Variants in TSHZ2 observed in about 807,000 individuals in gnomAD.
The protein encoded by TSHZ2 is teashirt homolog 2.
Under a neutral mutation model 74.4 loss-of-function variants are expected in TSHZ2, and 21 were observed. The ratio of observed to expected loss-of-function variants is 0.28; its 90% CI spans 0.20 to 0.41. The LOEUF (loss-of-function observed/expected upper bound fraction) is 0.41. TSHZ2 is among the 10% of genes least tolerant of loss of function. TSHZ2 has a pLI of 1.00. For synonymous variants in TSHZ2, 540 were observed against 515.3 expected (o/e 1.05, Z -0.65); for missense variants, 1,244 against 1,293.5 (o/e 0.96, Z 0.59).
intron 1 of TSHZ2, among the ~76,000 whole-genome samples, chr20:52,977,973 C>A (rs938965819): frequency 2.6e-5 from 4 of 152,134 alleles, no homozygotes; most frequent in Non-Finnish European, 4.4e-5. Context: ...CTTTATCTCC[C>A]AGTTGCCCAT....
chr20:53,058,902 G>A lies in TSHZ2; in HGVS notation c.40+85569G>A, dbSNP rs151038273. 4.5e-4 allele frequency among the ~76,000 whole-genome samples: 68 copies of A among 152,292 alleles called. 1 individual carries two copies. The highest frequency in any genetic ancestry group is 1.5e-3 in the African/African-American group (64 of 41,548). On this transcript the variant is annotated intron_variant, in intron 1 of 2. Coordinates refer to ENST00000371497, the MANE Select transcript of TSHZ2 (RefSeq NM_173485.6). ...ATTAATACATATATTTCGTTTGTTTGAAATATATACATGCATTTAAATCTG... is the reference window on the plus strand; with the variant it reads ...ATTAATACATATATTTCGTTTGTTTAAAATATATACATGCATTTAAATCTG...
intron 1 of TSHZ2, among the ~76,000 whole-genome samples, chr20:53,197,624 T>C (rs1600735982): frequency 6.6e-6 from 1 of 152,318 alleles, no homozygotes; most frequent in African/African-American, 2.4e-5. Flanking sequence ...CTTCGATACA[T>C]TCCCCATTAG....
chr20:53,050,131 ATATATATGTG>A (rs1247664557), intron 1 of TSHZ2, among the ~76,000 whole-genome samples: 2 of 73,016 alleles, frequency 2.7e-5, no homozygotes, highest in African/African-American at 2.5e-4. Flanking sequence ...ATATACACAT[ATATATATGTG>A]TATATATATA....
In TSHZ2 at chr20:53,156,318, C is replaced by T. The variant is rs544539412; in HGVS notation, c.41-97181C>T. ...AAAAGAATCTTCCTACACTTATATA[C>T]ACAAAATGATGGTGTCTGCCTGGAA... On this transcript the variant is annotated intron_variant, in intron 1 of 2. Coordinates refer to ENST00000371497, the MANE Select transcript of TSHZ2 (RefSeq NM_173485.6). 2.6e-5 allele frequency among the ~76,000 whole-genome samples: 4 copies of T among 152,240 alleles called. No individual in the cohort carries two copies. The East Asian group carries it at 7.7e-4, about 29-fold the overall frequency.
At chr20:53,225,828 T>TC (rs962930784) in intron 1 of TSHZ2, among the ~76,000 whole-genome samples, 4 of 152,126 alleles carry the variant, frequency 2.6e-5, no homozygotes, top group African/African-American at 9.7e-5. Context: ...GCCTGGTTGC[T>TC]CCTCCAATAT....
chr20:53,482,747 T>C (rs1182973709), intron 2 of TSHZ2, among the ~76,000 whole-genome samples: 2 of 151,418 alleles, frequency 1.3e-5, no homozygotes, highest in Non-Finnish European at 2.9e-5. Context: ...CTACAAAAAA[T>C]ACAAAAAAAT....
chr20:53,060,674 A>T (rs1443867969), intron 1 of TSHZ2, among the ~76,000 whole-genome samples: 2 of 152,240 alleles, frequency 1.3e-5, no homozygotes, highest in Admixed American at 1.3e-4. Flanking sequence ...CTTACGTAGT[A>T]AAAATGGGTT....
At chr20:53,018,234 C>G (rs1983111667) in intron 1 of TSHZ2, among the ~76,000 whole-genome samples, 1 of 152,170 alleles carries the variant, frequency 6.6e-6, no homozygotes, top group Admixed American at 6.5e-5. Context: ...TTATAAACTT[C>G]CTCATTCATA....
intron 1 of TSHZ2, among the ~76,000 whole-genome samples, chr20:53,158,373 C>T (rs531829289): frequency 2.0e-5 from 3 of 151,996 alleles, no homozygotes; most frequent in African/African-American, 7.2e-5. Flanking sequence ...GACTGCACAC[C>T]GGTGGATGGA....
At chr20:53,152,588 T>C (rs1226702713) in intron 1 of TSHZ2, among the ~76,000 whole-genome samples, 1 of 152,186 alleles carries the variant, frequency 6.6e-6, no homozygotes, top group Non-Finnish European at 1.5e-5. Context: ...AGCCATGCAG[T>C]CTCACAAGAT....
chr20:53,307,801 A>G (rs1011752095), intron 2 of TSHZ2, among the ~76,000 whole-genome samples: 3 of 151,906 alleles, frequency 2.0e-5, no homozygotes, highest in Non-Finnish European at 2.9e-5. Flanking sequence ...TTAAACCCCC[A>G]GAGGTGATTC....
At chr20:53,438,954 C>T (rs1395955077) in intron 2 of TSHZ2, among the ~76,000 whole-genome samples, 4 of 151,954 alleles carry the variant, frequency 2.6e-5, no homozygotes, top group African/African-American at 7.3e-5. Flanking sequence ...GAGTGAAACT[C>T]CATCTCTAAA....
chr20:53,254,370 T>G lies in TSHZ2; in HGVS notation c.912T>G (p.Pro304=), dbSNP rs1990411505. 5.0e-6 allele frequency: 8 copies of G among 1,614,120 alleles called. No homozygotes were observed. The highest frequency in any genetic ancestry group is 6.8e-6 in the Non-Finnish European group (8 of 1,180,024). The change falls in exon 2 of 3, where the codon CCT becomes CCG. Residue 304 remains proline (P), a synonymous_variant. Transcript: ENST00000371497. ...MIKTKHYQKV[P]LKEPVPTISS... ...AAACAAAACATTACCAAAAAGTGCC[T>G]TTGAAGGAGCCAGTCCCAACCATTT...
At chr20:53,149,359 A>G (rs967541975) in intron 1 of TSHZ2, among the ~76,000 whole-genome samples, 1 of 152,078 alleles carries the variant, frequency 6.6e-6, no homozygotes, top group African/African-American at 2.4e-5. Context: ...CTGCCAGATC[A>G]TTAAAAAGGG....
intron 1 of TSHZ2, among the ~76,000 whole-genome samples, chr20:53,054,172 T>C (rs1265942531): frequency 2.6e-5 from 4 of 152,152 alleles, no homozygotes; most frequent in Non-Finnish European, 5.9e-5. Context: ...CTGACAAACT[T>C]CTCCCTTCTC....
intron 2 of TSHZ2, among the ~76,000 whole-genome samples, chr20:53,354,056 G>C (rs1980755598): frequency 6.6e-6 from 1 of 152,202 alleles, no homozygotes; most frequent in Non-Finnish European, 1.5e-5. Flanking sequence ...TGCCGTCGTA[G>C]GCACCATTGC....
chr20:53,087,486 C>T (rs879211462), intron 1 of TSHZ2, among the ~76,000 whole-genome samples: 4 of 152,156 alleles, frequency 2.6e-5, no homozygotes, highest in Admixed American at 2.6e-4. Flanking sequence ...ATGCAAGCCC[C>T]CAGTCTTCAC....
At chr20:53,407,147 C>T (rs1237343767) in intron 2 of TSHZ2, among the ~76,000 whole-genome samples, 2 of 152,198 alleles carry the variant, frequency 1.3e-5, no homozygotes, top group African/African-American at 2.4e-5. Context: ...TTCTCTTCCC[C>T]GCTGCATGTG....
chr20:53,402,200 A>G (rs1982693364), intron 2 of TSHZ2, among the ~76,000 whole-genome samples: 1 of 152,128 alleles, frequency 6.6e-6, no homozygotes, highest in South Asian at 2.1e-4. Context: ...TCATATAATG[A>G]CTTCTTTTCC....
Sources: gnomAD v4.1 joint callset for allele counts (sites outside exome capture counted in the v4.1 genomes callset) on GRCh38, gnomAD v4.1.1 for gene constraint, MANE v1.5 for transcripts, NCBI Gene and HGNC (gene_info 2026-07-23, HGNC 2026-07-21) for gene names.